The following PLGRKT variants were observed in gnomAD, a reference collection of about 807,000 sequenced individuals.
The protein encoded by PLGRKT is plasminogen receptor with a C-terminal lysine, also known as plasminogen receptor (KT).
Under a neutral mutation model 18.5 loss-of-function variants are expected in PLGRKT, and 22 were observed. That is an observed-to-expected ratio of 1.19 (90% confidence interval 0.85 to 1.70). The LOEUF (loss-of-function observed/expected upper bound fraction) is 1.70, where lower values mean the gene tolerates loss of function less well. Among genes scored for constraint, PLGRKT ranks in the 40% most tolerant of loss-of-function variants. PLGRKT has a pLI of 0.00. For missense variants in PLGRKT, 235 were observed against 174.4 expected, an observed-to-expected ratio of 1.35 and a Z score of -1.96; for synonymous variants, 72 against 52.8, an observed-to-expected ratio of 1.36 and a Z score of -1.58.
chr9:5,403,629 C>T (rs1336676430), intron 3 of PLGRKT, among the ~76,000 whole-genome samples: 1 of 152,246 alleles, frequency 6.6e-6, no homozygotes, highest in Non-Finnish European at 1.5e-5. Context: ...AAAACAATAT[C>T]ACCGTATTAA....
chr9:5,384,339 A>G (rs1032102688), intron 3 of PLGRKT, among the ~76,000 whole-genome samples: 4 of 152,226 alleles, frequency 2.6e-5, no homozygotes, highest in African/African-American at 9.6e-5. Context: ...AGAGTTAAAA[A>G]ATTATCTTTA....
At chr9:5,369,069 A>C (rs1247375897) in intron 3 of PLGRKT, among the ~76,000 whole-genome samples, 1 of 152,158 alleles carries the variant, frequency 6.6e-6, no homozygotes, top group Non-Finnish European at 1.5e-5. Context: ...TGACTAAAAC[A>C]CCAAAAGCAA....
intron 3 of PLGRKT, among the ~76,000 whole-genome samples, chr9:5,387,148 G>A (rs1201761447): frequency 6.6e-6 from 1 of 151,864 alleles, no homozygotes; most frequent in East Asian, 1.9e-4. Flanking sequence ...GAGCTCCAAT[G>A]TCAATGCTTT....
At chr9:5,416,138 T>TA (rs1818454960) in intron 3 of PLGRKT, among the ~76,000 whole-genome samples, 1 of 151,984 alleles carries the variant, frequency 6.6e-6, no homozygotes, top group African/African-American at 2.4e-5. Flanking sequence ...ACATTTTTTT[T>TA]AAAAATATGG....
At chr9:5,414,236 GC>G (rs1563785685) in intron 3 of PLGRKT, among the ~76,000 whole-genome samples, 1 of 152,122 alleles carries the variant, frequency 6.6e-6, no homozygotes, top group East Asian at 1.9e-4. Context: ...GTGCAATCTC[GC>G]CTCACTGCAA....
At chr9:5,415,203 T>C (rs1029023075) in intron 3 of PLGRKT, among the ~76,000 whole-genome samples, 3 of 152,114 alleles carry the variant, frequency 2.0e-5, no homozygotes, top group African/African-American at 7.2e-5. Context: ...TAAAAAGATA[T>C]AGAAAGCAAA....
At position 5,361,122 on chromosome 9, in the gene PLGRKT, TAGGTG is replaced by T. The variant is rs1435725440; in HGVS notation, c.273_277del (p.Thr92ProfsTer3). On this transcript the variant is annotated frameshift_variant, in exon 5 of 6. Coordinates refer to ENST00000223864, the MANE Select transcript of PLGRKT (RefSeq NM_018465.4). LOFTEE classifies it high-confidence loss of function. ...GGTTCCATAGCCCAAGTCATACTGGTAGGTGAGGATAAAGCTTAATGGAACAATCG... is the reference window on the plus strand; with the variant it reads ...GGTTCCATAGCCCAAGTCATACTGGTAGGATAAAGCTTAATGGAACAATCG... The T allele has an allele frequency of 6.2e-7, 1 of 1,609,160 alleles. No individual in the cohort carries two copies.
Position 5,361,861 on chromosome 9 carries a change from C to T in PLGRKT, c.109G>A (p.Glu37Lys). The change falls in exon 4 of 6, where the codon GAA becomes AAA. Residue 37 changes from glutamate (E) to lysine (K), a missense_variant. Physicochemically the swap from Glu to Lys is moderately conservative, Grantham distance 56. Coordinates refer to ENST00000223864, the MANE Select transcript of PLGRKT (RefSeq NM_018465.4). ...ATGGCCATTTGTCTTTCCCTCATTTCACTCTGCATGATGAGCTGCCTTTCC... is the reference window on the plus strand; with the variant it reads ...ATGGCCATTTGTCTTTCCCTCATTTTACTCTGCATGATGAGCTGCCTTTCC... ...QLERQLIMQS[E>K]MRERQMAMQI... 6.2e-7 allele frequency: 1 copy of T among 1,613,106 alleles called. No homozygotes were observed. The highest frequency in any genetic ancestry group is 8.5e-7 in the Non-Finnish European group (1 of 1,179,534).
intron 3 of PLGRKT, among the ~76,000 whole-genome samples, chr9:5,395,105 C>CAAAAAAAAA (rs34566239): frequency 8.1e-6 from 1 of 123,502 alleles, no homozygotes; most frequent in African/African-American, 3.0e-5. Context: ...AAAGGCTTTG[C>CAAAAAAAAA]AAAAAAAAAA....
intron 3 of PLGRKT, among the ~76,000 whole-genome samples, chr9:5,381,537 T>C (rs955044913): frequency 5.3e-5 from 8 of 152,256 alleles, no homozygotes; most frequent in African/African-American, 1.9e-4. Context: ...CAGACATGCC[T>C]GGATGTCCAG....
intron 3 of PLGRKT, among the ~76,000 whole-genome samples, chr9:5,389,434 G>C (rs1817905393): frequency 6.6e-6 from 1 of 151,872 alleles, no homozygotes; most frequent in South Asian, 2.1e-4. Context: ...TGACGGTCTA[G>C]CTGATAGTGC....
intron 3 of PLGRKT, among the ~76,000 whole-genome samples, chr9:5,397,445 T>C (rs1818072332): frequency 6.6e-6 from 1 of 151,834 alleles, no homozygotes; most frequent in African/African-American, 2.4e-5. Context: ...GTAGGCTGTA[T>C]ATGAGCAGTG....
At chr9:5,386,057 G>A (rs1050934994) in intron 3 of PLGRKT, among the ~76,000 whole-genome samples, 6 of 151,766 alleles carry the variant, frequency 4.0e-5, no homozygotes, top group African/African-American at 1.5e-4. Flanking sequence ...CATAGCTTCT[G>A]TGGGACCTGA....
chr9:5,381,520 G>C lies in PLGRKT; in HGVS notation c.82-19632C>G, dbSNP rs192743813. Among the ~76,000 whole-genome samples the C allele has an allele frequency of 3.4e-4, 52 of 152,372 alleles. 1 individual carries two copies. The East Asian group carries it at 5.2e-3, about 15-fold the overall frequency. ...TGGGAACCTCCACCTCAGTTTCAGA[G>C]GATGTACAGACATGCCTGGATGTCC... On this transcript the variant is annotated intron_variant, in intron 3 of 5. Coordinates refer to ENST00000223864, the MANE Select transcript of PLGRKT (RefSeq NM_018465.4).
intron 3 of PLGRKT, among the ~76,000 whole-genome samples, chr9:5,412,913 T>C (rs1433675269): frequency 2.0e-5 from 3 of 151,908 alleles, no homozygotes; most frequent in African/African-American, 7.3e-5. Context: ...TGAGGGACAG[T>C]AGACAAGAGA....
intron 3 of PLGRKT, among the ~76,000 whole-genome samples, chr9:5,395,604 T>G (rs561014852): frequency 6.6e-6 from 1 of 152,058 alleles, no homozygotes; most frequent in African/African-American, 2.4e-5. Flanking sequence ...CTTAAGAACA[T>G]GTTTAAACAG....
intron 3 of PLGRKT, among the ~76,000 whole-genome samples, chr9:5,367,065 A>ACACCCC (rs1817408765): frequency 6.7e-6 from 1 of 148,534 alleles, no homozygotes; most frequent in African/African-American, 2.5e-5. Flanking sequence ...ACACACACAC[A>ACACCCC]CACCCCTAGG....
intron 3 of PLGRKT, among the ~76,000 whole-genome samples, chr9:5,406,607 G>C (rs972764630): frequency 3.3e-5 from 5 of 152,032 alleles, no homozygotes; most frequent in Admixed American, 6.5e-5. Context: ...GGGCCTGTTG[G>C]GGGAGGGTGG....
intron 3 of PLGRKT, among the ~76,000 whole-genome samples, chr9:5,409,548 C>T (rs1818321426): frequency 6.6e-6 from 1 of 152,144 alleles, no homozygotes; most frequent in African/African-American, 2.4e-5. Context: ...TATATATATA[C>T]CCAGAGTGGT....
Sources: allele counts gnomAD v4.1 joint callset (sites outside exome capture counted in the v4.1 genomes callset), GRCh38; gene constraint gnomAD v4.1.1; transcripts MANE v1.5; gene names NCBI Gene and HGNC (gene_info 2026-07-23, HGNC 2026-07-21).